The following TMEM8B variants were observed in gnomAD, a reference collection of about 807,000 sequenced individuals.
TMEM8B encodes transmembrane protein 8B, also known as nasopharyngeal carcinoma expressed 6.
Under a neutral mutation model 49.3 loss-of-function variants are expected in TMEM8B, and 29 were observed. That is an observed-to-expected ratio of 0.59 (90% CI 0.44 to 0.80). TMEM8B has a LOEUF of 0.80. Ranked by LOEUF, TMEM8B falls within the 30% of genes least tolerant of loss-of-function variation. The probability of loss-of-function intolerance (pLI) is 0.00; values close to 1 mark genes in which losing one functional copy is unlikely to be tolerated. For synonymous variants in TMEM8B, 264 were observed against 272.8 expected (o/e 0.97, Z 0.32); for missense variants, 575 against 658.5 (o/e 0.87, Z 1.39).
At chr9:35,839,452 C>T (rs1830753008) in intron 3 of TMEM8B, among the ~76,000 whole-genome samples, 1 of 152,166 alleles carries the variant, frequency 6.6e-6, no homozygotes, top group Non-Finnish European at 1.5e-5. Flanking sequence ...TGACGGTTCC[C>T]TGCATCTTCC....
chr9:35,849,481 A>G (rs1172421150), intron 10 of TMEM8B, among the ~76,000 whole-genome samples: 1 of 152,250 alleles, frequency 6.6e-6, no homozygotes, highest in Admixed American at 6.5e-5. Context: ...AATCCTCACA[A>G]TAGTACTGTT....
In TMEM8B at chr9:35,842,570, C is replaced by T. The variant is rs770509336; in HGVS notation, c.1488C>T (p.Asn496=). The change falls in exon 6 of 13, where the codon AAC becomes AAT. Residue 496 remains asparagine (N), a synonymous_variant. Transcript: ENST00000643932. This position sits in a 1 kb window ranked among gnomAD's most constrained non-coding sequence, Gnocchi z 5.6. ...GGCCAGTGCGCCCGACTCTGCGCAACGAGCTGGACACCTTCTCTGTCCACT... is the reference window on the plus strand; with the variant it reads ...GGCCAGTGCGCCCGACTCTGCGCAATGAGCTGGACACCTTCTCTGTCCACT... ...HCWPVRPTLR[N]ELDTFSVHFY... 16 of 1,614,114 alleles carry T rather than the reference C, an allele frequency of 9.9e-6. No homozygotes were observed. The highest frequency in any genetic ancestry group is 6.7e-5 in the East Asian group (3 of 44,894).
At chr9:35,834,720 TTAAC>T (rs1642937250) in intron 2 of TMEM8B, 70 bp downstream of exon 2, 1 of 414,796 alleles carries the variant, frequency 2.4e-6, no homozygotes, top group Non-Finnish European at 4.4e-6. Context: ...AAGTGTGACT[TTAAC>T]TGACCTCCCG....
In TMEM8B at chr9:35,860,366, C is replaced by T. The variant is rs1276064692; in HGVS notation, c.*6526C>T. ...CGGTTTCATGTGACCAAATTATGGC[C>T]ATAGTATTTCAGATTTATTCATCCA... On this transcript the variant is annotated 3_prime_UTR_variant, in exon 13 of 13. Coordinates refer to ENST00000643932, the MANE Select transcript of TMEM8B (RefSeq NM_001042590.4). 1 of 152,240 alleles carries T rather than the reference C, an allele frequency of 6.6e-6. No homozygotes were observed. Among genetic ancestry groups the T allele is most frequent in the East Asian group, 1.9e-4 (1 of 5,204 alleles). 9.4% of individuals were successfully genotyped at this position (152,240 alleles called of 1,614,324 possible).
chr9:35,840,250 A>G (rs935560992), intron 3 of TMEM8B, among the ~76,000 whole-genome samples: 2 of 152,184 alleles, frequency 1.3e-5, no homozygotes, highest in Admixed American at 1.3e-4. Flanking sequence ...GATCTCCTTT[A>G]GCAGCAGAAG....
chr9:35,854,743 C>A lies in TMEM8B; in HGVS notation c.*903C>A, dbSNP rs1267978117. 1.3e-5 allele frequency: 2 copies of A among 152,076 alleles called. No individual in the cohort carries two copies. Among genetic ancestry groups the A allele is most frequent in the African/African-American group, 4.8e-5 (2 of 41,384 alleles). 9.4% of individuals were successfully genotyped at this position (152,076 alleles called of 1,614,324 possible). ...ACAGACTTTCCTTATGATGCCCACA[C>A]CCAACACAGAAGGAAGCCGAGGTCC... On this transcript the variant is annotated 3_prime_UTR_variant, in exon 13 of 13. Transcript: ENST00000643932.
intron 10 of TMEM8B, among the ~76,000 whole-genome samples, chr9:35,849,459 C>T (rs1299360164): frequency 6.6e-6 from 1 of 152,228 alleles, no homozygotes; most frequent in Non-Finnish European, 1.5e-5. Flanking sequence ...CTGTTTCAGA[C>T]ACTGCTAATT....
At chr9:35,836,660 G>A (rs985698596) in intron 3 of TMEM8B, among the ~76,000 whole-genome samples, 3 of 147,512 alleles carry the variant, frequency 2.0e-5, no homozygotes, top group African/African-American at 8.1e-5. Context: ...AGACCCTAAA[G>A]GGTGATTCAA....
chr9:35,850,460 C>T (rs577186702), intron 10 of TMEM8B, among the ~76,000 whole-genome samples: 12 of 152,200 alleles, frequency 7.9e-5, no homozygotes, highest in African/African-American at 2.2e-4. Flanking sequence ...AATTAGTCCA[C>T]GGTTTTTAGT....
intron 1 of TMEM8B, among the ~76,000 whole-genome samples, chr9:35,830,644 C>T (rs1829778487): frequency 8.0e-6 from 1 of 125,612 alleles, no homozygotes; most frequent in Non-Finnish European, 1.7e-5. Context: ...ATTCCTATTT[C>T]ATACTAGTGT....
Position 35,842,745 on chromosome 9 carries a change from G to T in TMEM8B, c.1635+28G>T, listed in dbSNP as rs756568330. ...ACTCTTTATGGAGAGTGGGGAGGTT[G>T]CTCTGCCAGGGAGCTTGAAGGGGAA... On this transcript the variant is annotated intron_variant, in intron 6 of 12. Transcript: ENST00000643932. This position sits in a 1 kb window ranked among gnomAD's most constrained non-coding sequence, Gnocchi z 5.6. The T allele has an allele frequency of 2.5e-6, 4 of 1,581,446 alleles. No individual in the cohort carries two copies. In the Admixed American group the frequency reaches 5.3e-5, roughly 21 times the overall value.
chr9:35,847,445 C>A (rs1289487655), intron 10 of TMEM8B, among the ~76,000 whole-genome samples: 2 of 152,228 alleles, frequency 1.3e-5, no homozygotes, highest in African/African-American at 4.8e-5. Context: ...GCTAGCTACT[C>A]TGAGCTCCCC....
intron 10 of TMEM8B, among the ~76,000 whole-genome samples, chr9:35,847,496 C>T (rs1325610400): frequency 1.3e-5 from 2 of 152,234 alleles, no homozygotes; most frequent in South Asian, 2.1e-4. Flanking sequence ...TTAGCACGTT[C>T]GTTCCTGTGG....
At chr9:35,836,466 G>A (rs561876845) in intron 3 of TMEM8B, among the ~76,000 whole-genome samples, 1 of 152,308 alleles carries the variant, frequency 6.6e-6, no homozygotes, top group Admixed American at 6.5e-5. Flanking sequence ...GAACTGACAG[G>A]GAAAATCCTC....
rs758750683 is a variant in TMEM8B at position 35,862,548 on chromosome 9, G to A, written c.*8708G>A. 7 of 152,464 alleles carry A rather than the reference G, an allele frequency of 4.6e-5. No individual in the cohort carries two copies. The highest frequency in any genetic ancestry group is 3.4e-3 in the Middle Eastern group (1 of 294). 9.4% of individuals were successfully genotyped at this position (152,464 alleles called of 1,614,324 possible). ...CTTTTGTGTGTGCAGGCTCTGGCCC[G>A]TCCTCCTGCCTTGCCTCCACCGCAT... On this transcript the variant is annotated 3_prime_UTR_variant, in exon 13 of 13. Transcript: ENST00000643932.
In TMEM8B at chr9:35,846,395, G is replaced by T. The variant is rs1218460714; in HGVS notation, c.1853+14G>T. The T allele has an allele frequency of 6.2e-7, 1 of 1,608,348 alleles. No homozygotes were observed. The highest frequency in any genetic ancestry group is 8.5e-7 in the Non-Finnish European group (1 of 1,177,244). On this transcript the variant is annotated intron_variant, in intron 8 of 12. Transcript: ENST00000643932. ...GGTGGGGCCTCGGTGAGCGGTGCGG[G>T]GCGGGGCCAGGGCTGGGACCGGGAC...
At position 35,842,917 on chromosome 9, in the gene TMEM8B, C is replaced by T. The variant is rs1426578414; in HGVS notation, c.1635+200C>T. 6.6e-6 allele frequency among the ~76,000 whole-genome samples: 1 copy of T among 152,228 alleles called. No homozygotes were observed. Among genetic ancestry groups the T allele is most frequent in the Non-Finnish European group, 1.5e-5 (1 of 68,032 alleles). ...TTCACTCTGCTACAGATGGGCGGGT[C>T]AACCAGGTCAACTCAGTGTCTGGGG... On this transcript the variant is annotated intron_variant, in intron 6 of 12. Coordinates refer to ENST00000643932, the MANE Select transcript of TMEM8B (RefSeq NM_001042590.4). This position sits in a 1 kb window ranked among gnomAD's most constrained non-coding sequence, Gnocchi z 5.6.
intron 10 of TMEM8B, among the ~76,000 whole-genome samples, chr9:35,850,777 G>T (rs1167985595): frequency 6.6e-6 from 1 of 152,064 alleles, no homozygotes; most frequent in Non-Finnish European, 1.5e-5. Flanking sequence ...CTGAAATATA[G>T]TACAAATCTC....
At chr9:35,845,468 C>T (rs1051357866) in intron 6 of TMEM8B, 1 of 985,400 alleles carries the variant, frequency 1.0e-6, no homozygotes, top group Non-Finnish European at 1.2e-6. Flanking sequence ...TAATCCCAGC[C>T]AGGTTGCTAC....
Sources: gnomAD v4.1 joint callset for allele counts (sites outside exome capture counted in the v4.1 genomes callset) on GRCh38, gnomAD v4.1.1 for gene constraint, Gnocchi (gnomAD v3.1) non-coding constraint, MANE v1.5 for transcripts, NCBI Gene and HGNC (gene_info 2026-07-23, HGNC 2026-07-21) for gene names.